Variants in SYNPR observed in about 807,000 individuals in gnomAD.
SYNPR encodes the protein synaptoporin.
A neutral mutation model predicts 32.9 loss-of-function variants in SYNPR; 23 were observed. The ratio of observed to expected loss-of-function variants is 0.70; its 90% CI spans 0.50 to 0.99. The LOEUF is 0.99. SYNPR is among the 50% of genes least tolerant of loss of function. The probability of loss-of-function intolerance (pLI) is 0.00; values close to 1 mark genes in which losing one functional copy is unlikely to be tolerated. For missense variants in SYNPR, 318 were observed against 349.3 expected (o/e 0.91, Z 0.71); for synonymous variants, 146 against 135.9 (o/e 1.07, Z -0.52).
intron 2 of SYNPR, among the ~76,000 whole-genome samples, chr3:63,288,392 T>G (rs1304520618): frequency 6.6e-6 from 1 of 152,230 alleles, no homozygotes; most frequent in African/African-American, 2.4e-5. Flanking sequence ...CTTCTTTTAT[T>G]GAAGTAGCAC....
At chr3:63,331,596 G>A (rs1278314456) in intron 2 of SYNPR, among the ~76,000 whole-genome samples, 2 of 152,090 alleles carry the variant, frequency 1.3e-5, no homozygotes, top group Non-Finnish European at 2.9e-5. Context: ...TGAAAGGCCA[G>A]TAGTCTAGAA....
chr3:63,554,712 A>G (rs1310967218), intron 3 of SYNPR, among the ~76,000 whole-genome samples: 1 of 147,572 alleles, frequency 6.8e-6, no homozygotes, highest in Non-Finnish European at 1.5e-5. Context: ...TGGGTTCCAT[A>G]TGAATTTTAG....
At chr3:63,513,342 C>T (rs1168959349) in intron 3 of SYNPR, among the ~76,000 whole-genome samples, 1 of 151,996 alleles carries the variant, frequency 6.6e-6, no homozygotes, top group Non-Finnish European at 1.5e-5. Flanking sequence ...CCATTGCTCC[C>T]ATCTTGTTTG....
chr3:63,263,117 C>T (rs2086453229), intron 2 of SYNPR, among the ~76,000 whole-genome samples: 1 of 152,156 alleles, frequency 6.6e-6, no homozygotes, highest in Admixed American at 6.5e-5. Context: ...CTGATGGGAA[C>T]ACGGACTTAG....
intron 3 of SYNPR, among the ~76,000 whole-genome samples, chr3:63,489,442 G>C (rs900100134): frequency 3.9e-5 from 6 of 152,286 alleles, no homozygotes; most frequent in African/African-American, 1.4e-4. Context: ...GAAATGGTGA[G>C]AACAAGAGAG....
intron 4 of SYNPR, among the ~76,000 whole-genome samples, chr3:63,601,997 T>TTTTTG (rs1700052171): frequency 2.0e-5 from 3 of 151,658 alleles, no homozygotes; most frequent in South Asian, 2.1e-4. Context: ...AGCATCTGTT[T>TTTTTG]TTTTGTTTTG....
rs542163919 is a variant in SYNPR, at chr3:63,414,025, G to T, written c.85-66807G>T. The stretch of plus-strand genomic sequence containing the variant: ...ATATATATACATATATATATATATA[G>T]AGAGAGAGAGAGACAGAGAGGGAGA... On this transcript the variant is annotated intron_variant, in intron 2 of 5. Coordinates refer to ENST00000478300, the MANE Select transcript of SYNPR (RefSeq NM_001130003.2). Among the ~76,000 whole-genome samples the T allele has an allele frequency of 7.3e-3, 1,091 of 150,352 alleles. 7 individuals carry two copies. Among genetic ancestry groups the T allele is most frequent in the African/African-American group, 0.016 (666 of 41,104 alleles).
At position 63,278,732 on chromosome 3, in the gene SYNPR, C is replaced by A. The variant is rs1359556599; in HGVS notation, c.74C>A (p.Ala25Asp). 1 of 1,551,572 alleles carries A rather than the reference C, an allele frequency of 6.4e-7. No individual in the cohort carries two copies. Among genetic ancestry groups the A allele is most frequent in the Non-Finnish European group, 8.7e-7 (1 of 1,147,002 alleles). The change falls in exon 2 of 6, where the codon GCC becomes GAC. Residue 25 changes from alanine (A) to aspartate (D), a missense_variant. Ala to Asp is a moderately radical substitution (Grantham distance 126). Coordinates refer to ENST00000478300, the MANE Select transcript of SYNPR (RefSeq NM_001130003.2). The stretch of plus-strand genomic sequence containing the variant: ...AAGGAGCCCCTTGCCTTCCTGCGAG[C>A]CCTGGAATTGGTGAGTAGCAGTGTG... ...VLKEPLAFLR[A>D]LELLFAIFAF...
intron 1 of SYNPR, among the ~76,000 whole-genome samples, chr3:63,247,974 A>C (rs560263976): frequency 1.4e-3 from 211 of 152,222 alleles, no homozygotes; most frequent in African/African-American, 4.6e-3. Context: ...ATTATTTAAC[A>C]CAAGCTGCCT....
intron 2 of SYNPR, among the ~76,000 whole-genome samples, chr3:63,424,255 A>G (rs964349871): frequency 2.0e-4 from 31 of 152,178 alleles, no homozygotes; most frequent in African/African-American, 7.5e-4. Context: ...ATCTGAAGCT[A>G]TTTTAAAATG....
intron 2 of SYNPR, among the ~76,000 whole-genome samples, chr3:63,355,741 A>C: frequency 6.7e-6 from 1 of 149,628 alleles, no homozygotes; most frequent in South Asian, 2.1e-4. Context: ...TCTCTGCCAC[A>C]CAGCCTTTGC....
intron 2 of SYNPR, among the ~76,000 whole-genome samples, chr3:63,290,878 C>G (rs185396685): frequency 3.3e-4 from 51 of 152,290 alleles, no homozygotes; most frequent in African/African-American, 1.2e-3. Context: ...GATTTTCTGG[C>G]TGGCCTTTTA....
chr3:63,212,378 CCTGA>C, the SYNPR span, among the ~76,000 whole-genome samples: 1 of 31,738 alleles, frequency 3.2e-5, no homozygotes, highest in Admixed American at 4.1e-4. Context: ...CCTGTTGTTT[CCTGA>C]CTTTTTAATG....
intron 3 of SYNPR, among the ~76,000 whole-genome samples, chr3:63,541,584 G>A (rs1230193866): frequency 6.6e-6 from 1 of 151,990 alleles, no homozygotes; most frequent in African/African-American, 2.4e-5. Context: ...TTCATTAAAG[G>A]AGCCAATCTA....
rs1346276184 is a variant in SYNPR, at chr3:63,616,142, C to G, written c.*661C>G. On this transcript the variant is annotated 3_prime_UTR_variant, in exon 6 of 6. Transcript: ENST00000478300. Reference sequence around the variant, plus strand: ...TACTTTGTATACTTTGCAAATTTGTCTCTCTGGCTTTACCCAAGTTCTGAA... The same window carrying G: ...TACTTTGTATACTTTGCAAATTTGTGTCTCTGGCTTTACCCAAGTTCTGAA... 6.6e-6 allele frequency: 1 copy of G among 152,162 alleles called. No individual in the cohort carries two copies. The allele number at this position is 152,162 out of a possible 1,614,324, so 9.4% of individuals were successfully genotyped here.
At chr3:63,517,958 G>A (rs559791788) in intron 3 of SYNPR, among the ~76,000 whole-genome samples, 12 of 152,228 alleles carry the variant, frequency 7.9e-5, no homozygotes, top group East Asian at 1.9e-4. Context: ...GTGCATGTAC[G>A]GAAGGAATGA....
At chr3:63,380,620 T>C (rs991065461) in intron 2 of SYNPR, among the ~76,000 whole-genome samples, 14 of 151,416 alleles carry the variant, frequency 9.2e-5, no homozygotes, top group African/African-American at 3.4e-4. Flanking sequence ...TTTAGACCAA[T>C]ATCCCTGATG....
At chr3:63,247,821 C>T (rs1423371144) in intron 1 of SYNPR, among the ~76,000 whole-genome samples, 1 of 152,114 alleles carries the variant, frequency 6.6e-6, no homozygotes, top group Non-Finnish European at 1.5e-5. Context: ...CTGGGAAGTG[C>T]AGTTTCTGAC....
intron 4 of SYNPR, among the ~76,000 whole-genome samples, chr3:63,600,315 TCA>T (rs1700020921): frequency 6.6e-6 from 1 of 151,736 alleles, no homozygotes; most frequent in African/African-American, 2.4e-5. Context: ...CCCTTCTACA[TCA>T]TGCTCTGTGC....
Sources: allele counts gnomAD v4.1 joint callset (sites outside exome capture counted in the v4.1 genomes callset), GRCh38; gene constraint gnomAD v4.1.1; transcripts MANE v1.5; gene names NCBI Gene and HGNC (gene_info 2026-07-23, HGNC 2026-07-21).